Variants in EXOC6 observed in about 807,000 individuals in gnomAD.
EXOC6 encodes the protein exocyst complex component 6, also known as SEC15-like 1.
A neutral mutation model predicts 112.5 loss-of-function variants in EXOC6; 60 were observed. That is an observed-to-expected ratio of 0.53 (90% confidence interval 0.43 to 0.66). The LOEUF is 0.66. Among genes scored for constraint, EXOC6 ranks in the 30% least tolerant of loss-of-function variants. The probability of loss-of-function intolerance (pLI) is 0.00; values close to 1 mark genes in which losing one functional copy is unlikely to be tolerated. For synonymous variants in EXOC6, 295 were observed against 308.0 expected, an observed-to-expected ratio of 0.96 and a Z score of 0.44; for missense variants, 855 against 957.1, an observed-to-expected ratio of 0.89 and a Z score of 1.41.
At chr10:93,013,460 T>C (rs1206627131) in intron 19 of EXOC6, among the ~76,000 whole-genome samples, 3 of 151,936 alleles carry the variant, frequency 2.0e-5, no homozygotes, top group African/African-American at 7.2e-5. Context: ...CAAAAAAAAT[T>C]AGCCGGCCGT....
At chr10:92,893,569 A>G in intron 2 of EXOC6, 49 bp downstream of exon 2, 2 of 1,468,532 alleles carry the variant, frequency 1.4e-6, no homozygotes, top group Non-Finnish European at 1.9e-6. Flanking sequence ...TAAATTACTC[A>G]AGTCTTAGTT....
At chr10:92,934,478 A>G (rs984629139) in intron 11 of EXOC6, 48 bp downstream of exon 11, 28 of 1,475,564 alleles carry the variant, frequency 1.9e-5, no homozygotes, top group Middle Eastern at 3.6e-4. Flanking sequence ...AGTTACTTCA[A>G]GAACTTCTGA....
rs541176310 is a variant in EXOC6 at position 92,977,382 on chromosome 10, C to T, written c.1953+3150C>T. 9.9e-5 allele frequency among the ~76,000 whole-genome samples: 15 copies of T among 152,128 alleles called. No homozygotes were observed. The East Asian group carries it at 2.9e-3, about 29-fold the overall frequency. ...GTTCCTAAAAAAAATTAATGGAAGACTATTTTAAAGAGATTGTCATCATGG... is the reference window on the plus strand; with the variant it reads ...GTTCCTAAAAAAAATTAATGGAAGATTATTTTAAAGAGATTGTCATCATGG... On this transcript the variant is annotated intron_variant, in intron 18 of 21. Transcript: ENST00000260762.
At chr10:93,013,303 A>G (rs1844341844) in intron 19 of EXOC6, among the ~76,000 whole-genome samples, 1 of 150,928 alleles carries the variant, frequency 6.6e-6, no homozygotes, top group Non-Finnish European at 1.5e-5. Flanking sequence ...TGAGGCATGA[A>G]TCCTTTCTAA....
At chr10:92,878,311 T>C (rs1018307772) in intron 1 of EXOC6, 4 of 152,158 alleles carry the variant, frequency 2.6e-5, no homozygotes, top group African/African-American at 9.7e-5. Flanking sequence ...TGTGGACATC[T>C]CTTTTTGGTA....
At chr10:92,976,044 G>A (rs1446092069) in intron 18 of EXOC6, among the ~76,000 whole-genome samples, 1 of 52,814 alleles carries the variant, frequency 1.9e-5, no homozygotes, top group Admixed American at 2.3e-4. Flanking sequence ...CGGGAGGGAG[G>A]TGGGGGGGGG....
At chr10:93,016,929 C>G (rs1191360995) in intron 20 of EXOC6, among the ~76,000 whole-genome samples, 1 of 151,916 alleles carries the variant, frequency 6.6e-6, no homozygotes. Flanking sequence ...TCTCCTGCCT[C>G]AGCCTCCCAA....
At chr10:92,852,136 A>G (rs186519056) in intron 1 of EXOC6, among the ~76,000 whole-genome samples, 3 of 152,338 alleles carry the variant, frequency 2.0e-5, no homozygotes, top group Non-Finnish European at 2.9e-5. Flanking sequence ...GAAATGGACA[A>G]ATTAGTTGAA....
intron 1 of EXOC6, among the ~76,000 whole-genome samples, chr10:92,865,397 G>A (rs1462618040): frequency 9.2e-5 from 14 of 152,024 alleles, no homozygotes; most frequent in African/African-American, 2.9e-4. Flanking sequence ...TTAGCCAGGC[G>A]TGGTGGCGTG....
intron 6 of EXOC6, among the ~76,000 whole-genome samples, 167 bp downstream of exon 6, chr10:92,909,798 T>A (rs1387154743): frequency 6.6e-6 from 1 of 152,244 alleles, no homozygotes; most frequent in Non-Finnish European, 1.5e-5. Flanking sequence ...TTTCTTTGGC[T>A]TCACATTTAT....
At chr10:92,994,041 G>A (rs573482277) in intron 18 of EXOC6, among the ~76,000 whole-genome samples, 1 of 152,354 alleles carries the variant, frequency 6.6e-6, no homozygotes, top group East Asian at 1.9e-4. Flanking sequence ...CTGGTTAATT[G>A]TGTTACTGGT....
At position 92,947,648 on chromosome 10, in the gene EXOC6, G is replaced by A. The variant is rs149790416; in HGVS notation, c.1311-626G>A. ...CAGGAGGCTGGGCACAGTGGCTCACGCCTGTAATCTCAGCACTTTAGGAGG... is the reference window on the plus strand; with the variant it reads ...CAGGAGGCTGGGCACAGTGGCTCACACCTGTAATCTCAGCACTTTAGGAGG... On this transcript the variant is annotated intron_variant, in intron 13 of 21. Coordinates refer to ENST00000260762, the MANE Select transcript of EXOC6 (RefSeq NM_019053.6). Among the ~76,000 whole-genome samples, 938 of 152,282 alleles carry A rather than the reference G, an allele frequency of 6.2e-3. 8 individuals are homozygous for A. Among genetic ancestry groups the A allele is most frequent in the African/African-American group, 0.021 (886 of 41,564 alleles).
intron 20 of EXOC6, among the ~76,000 whole-genome samples, chr10:93,026,410 C>T (rs1322361711): frequency 6.6e-6 from 1 of 152,158 alleles, no homozygotes; most frequent in African/African-American, 2.4e-5. Flanking sequence ...TCTGTCTCTT[C>T]TTTTTTAGCC....
At chr10:92,939,466 CTG>C (rs1564846100) in intron 12 of EXOC6, among the ~76,000 whole-genome samples, 1 of 151,646 alleles carries the variant, frequency 6.6e-6, no homozygotes, top group Non-Finnish European at 1.5e-5. Flanking sequence ...TCTAGATTCT[CTG>C]TTGATAAACT....
At chr10:92,858,685 G>A (rs1847748009) in intron 1 of EXOC6, among the ~76,000 whole-genome samples, 3 of 152,144 alleles carry the variant, frequency 2.0e-5, no homozygotes, top group African/African-American at 7.2e-5. Context: ...TTAGTTCTGT[G>A]AGCATAGTTA....
chr10:92,874,484 T>C (rs1848601537), intron 1 of EXOC6, among the ~76,000 whole-genome samples: 1 of 152,186 alleles, frequency 6.6e-6, no homozygotes, highest in Non-Finnish European at 1.5e-5. Context: ...CCATAACTTA[T>C]TCATTTGGGA....
chr10:92,934,267 G>GT, intron 10 of EXOC6, 43 bp from the exon 11 acceptor site: 1 of 1,537,794 alleles, frequency 6.5e-7, no homozygotes, highest in Non-Finnish European at 8.7e-7. Flanking sequence ...TTTCTATTAG[G>GT]GTTTTTTTTT....
At chr10:92,926,325 T>C (rs1851718234) in intron 8 of EXOC6, among the ~76,000 whole-genome samples, 1 of 151,764 alleles carries the variant, frequency 6.6e-6, no homozygotes, top group Admixed American at 6.6e-5. Flanking sequence ...GTAAAACATA[T>C]CATATTAGAC....
rs555982063 is a variant in EXOC6, at chr10:93,020,806, T to C, written c.2169+6539T>C. Among the ~76,000 whole-genome samples the C allele has an allele frequency of 3.3e-5, 5 of 152,140 alleles. No individual in the cohort carries two copies. The East Asian group carries it at 9.7e-4, about 30-fold the overall frequency. ...ACCAGTACTCTAAAATACAGTGCTT[T>C]GACATGCTGAACGGAAGAAGCAGCA... On this transcript the variant is annotated intron_variant, in intron 20 of 21. Coordinates refer to ENST00000260762, the MANE Select transcript of EXOC6 (RefSeq NM_019053.6).
Sources: gnomAD v4.1 joint callset for allele counts (sites outside exome capture counted in the v4.1 genomes callset) on GRCh38, gnomAD v4.1.1 for gene constraint, MANE v1.5 for transcripts, NCBI Gene and HGNC (gene_info 2026-07-23, HGNC 2026-07-21) for gene names.